Variants in DIP2C observed in about 807,000 individuals in gnomAD.
DIP2C encodes the protein disco-interacting protein 2 homolog C.
DIP2C carries 33 observed loss-of-function variants against 192.4 expected under a neutral mutation model. The ratio of observed to expected loss-of-function variants is 0.17; its 90% CI spans 0.13 to 0.23. The LOEUF (loss-of-function observed/expected upper bound fraction) is 0.23, where lower values mean the gene tolerates loss of function less well. Among genes scored for constraint, DIP2C ranks in the 10% least tolerant of loss-of-function variants. The pLI is 1.00. For synonymous variants in DIP2C, 979 were observed against 864.1 expected, an observed-to-expected ratio of 1.13 and a Z score of -2.33; for missense variants, 1,537 against 2,110.1, an observed-to-expected ratio of 0.73 and a Z score of 5.32.
At chr10:406,129 G>A (rs1964790482) in intron 9 of DIP2C, among the ~76,000 whole-genome samples, 1 of 152,170 alleles carries the variant, frequency 6.6e-6, no homozygotes, top group Non-Finnish European at 1.5e-5. Context: ...GAAACTTCAA[G>A]TATCTGGAGG....
chr10:613,411 C>G (rs1191583044), intron 1 of DIP2C, among the ~76,000 whole-genome samples: 1 of 152,162 alleles, frequency 6.6e-6, no homozygotes, highest in Non-Finnish European at 1.5e-5. Context: ...CCTGCCAGGC[C>G]CGGGAGGAAC....
intron 1 of DIP2C, among the ~76,000 whole-genome samples, chr10:597,580 GAATC>G (rs960390295): frequency 3.9e-5 from 6 of 152,342 alleles, no homozygotes; most frequent in South Asian, 4.1e-4. Flanking sequence ...ACTATGCAAA[GAATC>G]AATGTCACTT....
At chr10:417,588 G>A (rs1965728969) in intron 6 of DIP2C, among the ~76,000 whole-genome samples, 1 of 151,968 alleles carries the variant, frequency 6.6e-6, no homozygotes, top group Non-Finnish European at 1.5e-5. Flanking sequence ...CAGTGCGCCT[G>A]TTGGAGCTAG....
At chr10:532,532 AGAGTATGGGTGT>A (rs1289039134) in intron 1 of DIP2C, among the ~76,000 whole-genome samples, 5 of 134,524 alleles carry the variant, frequency 3.7e-5, no homozygotes, top group Non-Finnish European at 6.8e-5. Flanking sequence ...GGTGTGTGAG[AGAGTATGGGTGT>A]GAGAGAGTAT....
rs1057116155 is a variant in DIP2C at position 552,051 on chromosome 10, G to A, written c.86-65521C>T. On this transcript the variant is annotated intron_variant, in intron 1 of 36. Coordinates refer to ENST00000280886, the MANE Select transcript of DIP2C (RefSeq NM_014974.3). ...AGTGGTGGCTACAGCTTCGGAAGAC[G>A]TTGCACTGAATCCTGGGTGAGCCAG... 3.9e-5 allele frequency among the ~76,000 whole-genome samples: 6 copies of A among 152,204 alleles called. No homozygotes were observed. In the South Asian group the frequency reaches 6.2e-4, roughly 16 times the overall value.
chr10:633,836 T>C (rs1347991773), intron 1 of DIP2C, among the ~76,000 whole-genome samples: 1 of 152,190 alleles, frequency 6.6e-6, no homozygotes. Flanking sequence ...CCCTACCCCA[T>C]AGCGGGGCCC....
intron 1 of DIP2C, among the ~76,000 whole-genome samples, chr10:509,623 G>T (rs1373747064): frequency 6.6e-6 from 1 of 152,204 alleles, no homozygotes; most frequent in Admixed American, 6.5e-5. Context: ...GATCCGGGTG[G>T]TAGGCAGTGT....
intron 36 of DIP2C, among the ~76,000 whole-genome samples, chr10:278,072 C>A (rs535790165): frequency 1.5e-4 from 23 of 150,204 alleles, no homozygotes; most frequent in African/African-American, 5.6e-4. Flanking sequence ...GCGGTGGCCC[C>A]GAGTCCAGCT....
chr10:583,720 T>C (rs1028312189), intron 1 of DIP2C, among the ~76,000 whole-genome samples: 1 of 152,108 alleles, frequency 6.6e-6, no homozygotes, highest in Non-Finnish European at 1.5e-5. Flanking sequence ...CTCCTTGTAA[T>C]AAAATAAAGA....
intron 3 of DIP2C, among the ~76,000 whole-genome samples, chr10:453,428 A>C (rs1297225704): frequency 6.6e-6 from 1 of 152,232 alleles, no homozygotes; most frequent in Non-Finnish European, 1.5e-5. Context: ...ACAGTGTCAA[A>C]GACTCCAGCA....
chr10:552,684 A>G (rs1848648249), intron 1 of DIP2C, among the ~76,000 whole-genome samples: 1 of 152,212 alleles, frequency 6.6e-6, no homozygotes. Flanking sequence ...CCCCGTCTCT[A>G]GTAAAAATAC....
chr10:426,934 C>T (rs1447547963), intron 4 of DIP2C, among the ~76,000 whole-genome samples: 1 of 151,460 alleles, frequency 6.6e-6, no homozygotes, highest in Non-Finnish European at 1.5e-5. Flanking sequence ...AATGAAAGAA[C>T]AGTAAGACTA....
At chr10:582,876 T>C (rs1588518495) in intron 1 of DIP2C, among the ~76,000 whole-genome samples, 1 of 152,224 alleles carries the variant, frequency 6.6e-6, no homozygotes, top group Non-Finnish European at 1.5e-5. Flanking sequence ...GTTCCTATGA[T>C]ATAGTCTCAA....
At chr10:494,017 T>C (rs974139678) in intron 1 of DIP2C, among the ~76,000 whole-genome samples, 1 of 152,172 alleles carries the variant, frequency 6.6e-6, no homozygotes, top group Non-Finnish European at 1.5e-5. Flanking sequence ...ACAACTGGAA[T>C]AAACAAAATC....
intron 1 of DIP2C, among the ~76,000 whole-genome samples, chr10:517,625 G>C (rs1846443753): frequency 6.6e-6 from 1 of 152,204 alleles, no homozygotes; most frequent in African/African-American, 2.4e-5. Flanking sequence ...CGCCTTCCAA[G>C]TGAATTTTGG....
chr10:414,215 C>T, intron 7 of DIP2C, 105 bp from the exon 8 acceptor site: 1 of 1,285,722 alleles, frequency 7.8e-7, no homozygotes, highest in Non-Finnish European at 1.1e-6. Flanking sequence ...TTAAGCTGTA[C>T]ATTTATTAGC....
intron 1 of DIP2C, among the ~76,000 whole-genome samples, chr10:672,350 C>T (rs1037853948): frequency 2.0e-5 from 3 of 152,248 alleles, no homozygotes; most frequent in Non-Finnish European, 4.4e-5. Flanking sequence ...AGGCCAGAGA[C>T]GCGCACACGC....
At chr10:367,179 A>G (rs930316106) in intron 18 of DIP2C, among the ~76,000 whole-genome samples, 2 of 152,256 alleles carry the variant, frequency 1.3e-5, no homozygotes, top group African/African-American at 4.8e-5. Context: ...GTACTTTGGG[A>G]GGCCGAGGCG....
At chr10:359,863 C>T (rs1959233697) in intron 22 of DIP2C, among the ~76,000 whole-genome samples, 1 of 152,192 alleles carries the variant, frequency 6.6e-6, no homozygotes. Context: ...TCCACTGATT[C>T]TCCCATCCTG....
Sources: allele counts gnomAD v4.1 joint callset (sites outside exome capture counted in the v4.1 genomes callset), GRCh38; gene constraint gnomAD v4.1.1; transcripts MANE v1.5; gene names NCBI Gene and HGNC (gene_info 2026-07-23, HGNC 2026-07-21).